Variants in FAM184B observed in about 807,000 individuals in gnomAD.
FAM184B encodes family with sequence similarity 184 member B, also known as protein FAM184B.
In FAM184B, 111 loss-of-function variants were observed where a neutral mutation model predicts 135.9. The observed-to-expected ratio is 0.82, with a 90% confidence interval of 0.70 to 0.96. The LOEUF (loss-of-function observed/expected upper bound fraction) is 0.96. Among genes scored for constraint, FAM184B ranks in the 40% least tolerant of loss-of-function variants. FAM184B has a pLI of 0.00. For missense variants in FAM184B, 1,375 were observed against 1,323.9 expected (o/e 1.04, Z -0.60); for synonymous variants, 552 against 524.8 (o/e 1.05, Z -0.71).
chr4:17,705,464 T>C (rs1018940440), intron 4 of FAM184B, among the ~76,000 whole-genome samples: 5 of 152,360 alleles, frequency 3.3e-5, no homozygotes, highest in African/African-American at 9.6e-5. Context: ...TTTTAAATAA[T>C]GCTTTGCTTG....
In FAM184B at chr4:17,709,060, C is replaced by T; in HGVS notation, c.726G>A (p.Gln242=). 6.4e-7 allele frequency: 1 copy of T among 1,550,438 alleles called. No individual in the cohort carries two copies. Among genetic ancestry groups the T allele is most frequent in the Non-Finnish European group, 8.7e-7 (1 of 1,146,968 alleles). The change falls in exon 2 of 18, where the codon CAG becomes CAA. Residue 242 remains glutamine (Q), a synonymous_variant. Transcript: ENST00000265018. ...IRQAMQQSVS[Q]ALWQWQEKES... ...CCTTCTCCTGCCACTGCCACAGGGC[C>T]TGGCTCACCGACTGCTGCATGGCCT...
rs528186173 is a variant in FAM184B, at chr4:17,631,361, C to G, written c.*1171G>C. 3 of 152,230 alleles carry G rather than the reference C, an allele frequency of 2.0e-5. No homozygotes were observed. The highest frequency in any genetic ancestry group is 4.4e-5 in the Non-Finnish European group (3 of 68,142). 9.4% of individuals were successfully genotyped at this position (152,230 alleles called of 1,614,324 possible). ...TATTTTTTTGTAGAGATGGAGGTCT[C>G]GCTGTGTTGCCCAGGCTGGTCTCAA... On this transcript the variant is annotated 3_prime_UTR_variant, in exon 18 of 18. Coordinates refer to ENST00000265018, the MANE Select transcript of FAM184B (RefSeq NM_015688.2).
intron 5 of FAM184B, among the ~76,000 whole-genome samples, chr4:17,696,202 A>G (rs749453730): frequency 6.6e-6 from 1 of 152,182 alleles, no homozygotes; most frequent in Non-Finnish European, 1.5e-5. Flanking sequence ...AAGAAATGAA[A>G]CTTAAAGAGG....
chr4:17,682,673 A>G (rs1716477431), intron 7 of FAM184B, among the ~76,000 whole-genome samples: 1 of 151,698 alleles, frequency 6.6e-6, no homozygotes, highest in Non-Finnish European at 1.5e-5. Context: ...TAATTTTTGT[A>G]TTTTCAGTAG....
At position 17,708,958 on chromosome 4, in the gene FAM184B, C is replaced by G; in HGVS notation, c.828G>C (p.Leu276=). The G allele has an allele frequency of 6.5e-7, 1 of 1,550,152 alleles. No individual in the cohort carries two copies. Among genetic ancestry groups the G allele is most frequent in the African/African-American group, 1.4e-5 (1 of 73,056 alleles). Residue 276 remains leucine (L), a synonymous_variant, in exon 2 of 18, where the codon CTG becomes CTC. Transcript: ENST00000265018. ...CACTTATCTTGCGGCCTCTGTGCTC[C>G]AGGTCTCCTTCCAGCTTCCGGACCT... ...QAQVRKLEGD[L]EHRGRKISDL... is the part of the protein sequence containing the mutation.
intron 15 of FAM184B, among the ~76,000 whole-genome samples, chr4:17,635,418 C>T (rs1715094012): frequency 6.6e-6 from 1 of 152,062 alleles, no homozygotes; most frequent in Non-Finnish European, 1.5e-5. Context: ...AGAAAGAAAA[C>T]CCCCAGGTAT....
intron 5 of FAM184B, among the ~76,000 whole-genome samples, chr4:17,700,574 A>T (rs1560179861): frequency 6.6e-6 from 1 of 152,244 alleles, no homozygotes; most frequent in Non-Finnish European, 1.5e-5. Context: ...TCTCTCAGTG[A>T]TCAACAGAAC....
intron 15 of FAM184B, among the ~76,000 whole-genome samples, chr4:17,635,489 T>C (rs185182309): frequency 4.9e-4 from 75 of 152,276 alleles, no homozygotes; most frequent in Admixed American, 3.4e-3. Flanking sequence ...GCCTAACATA[T>C]ACAAACATAG....
In FAM184B at chr4:17,702,032, G is replaced by C. The variant is rs143449339; in HGVS notation, c.1377+2968C>G. The stretch of plus-strand genomic sequence containing the variant: ...GCTCAGTCAGTTCTCCAGGCAATGC[G>C]CAGGGCCCAGTGTGGGTGGTGTTGG... On this transcript the variant is annotated intron_variant, in intron 5 of 17. Transcript: ENST00000265018. 9.9e-4 allele frequency among the ~76,000 whole-genome samples: 151 copies of C among 152,276 alleles called. 1 individual carries two copies. The highest frequency in any genetic ancestry group is 3.3e-3 in the African/African-American group (138 of 41,550).
intron 1 of FAM184B, among the ~76,000 whole-genome samples, chr4:17,711,946 A>G (rs1306054968): frequency 6.6e-6 from 1 of 152,184 alleles, no homozygotes; most frequent in African/African-American, 2.4e-5. Flanking sequence ...AGAAAGCATA[A>G]AAGTGTGAGG....
intron 1 of FAM184B, among the ~76,000 whole-genome samples, chr4:17,756,298 G>A (rs1458905852): frequency 2.0e-5 from 3 of 152,080 alleles, no homozygotes; most frequent in Admixed American, 2.0e-4. Context: ...ACGTCAAAAG[G>A]ACTCAGGAGC....
At chr4:17,773,085 C>A (rs1718852935) in intron 1 of FAM184B, among the ~76,000 whole-genome samples, 1 of 152,222 alleles carries the variant, frequency 6.6e-6, no homozygotes, top group Non-Finnish European at 1.5e-5. Flanking sequence ...ACACACACAT[C>A]CAGTGCTGGA....
intron 15 of FAM184B, among the ~76,000 whole-genome samples, chr4:17,635,334 C>G (rs1715092254): frequency 6.6e-6 from 1 of 152,086 alleles, no homozygotes; most frequent in South Asian, 2.1e-4. Flanking sequence ...AAGCTGATGC[C>G]TTAGGAAATT....
Position 17,632,400 on chromosome 4 carries a change from A to C in FAM184B, c.*132T>G, listed in dbSNP as rs1714979288. The stretch of plus-strand genomic sequence containing the variant: ...GAACAGTATGAAGTGTTAACGCCAA[A>C]ATTTGTTTTAGCTATCATATATAAA... On this transcript the variant is annotated 3_prime_UTR_variant, in exon 18 of 18. Coordinates refer to ENST00000265018, the MANE Select transcript of FAM184B (RefSeq NM_015688.2). 2 of 717,496 alleles carry C rather than the reference A, an allele frequency of 2.8e-6. No individual in the cohort carries two copies. Among genetic ancestry groups the C allele is most frequent in the South Asian group, 3.9e-5 (2 of 51,196 alleles). The allele number at this position is 717,496 out of a possible 1,614,324, so 44.4% of individuals were successfully genotyped here.
At chr4:17,764,307 C>T (rs970211672) in intron 1 of FAM184B, among the ~76,000 whole-genome samples, 2 of 152,210 alleles carry the variant, frequency 1.3e-5, no homozygotes, top group Admixed American at 1.3e-4. Flanking sequence ...AAGGTGCTCT[C>T]CTTCACAAAG....
intron 7 of FAM184B, among the ~76,000 whole-genome samples, chr4:17,679,684 G>A (rs1353246624): frequency 1.3e-5 from 2 of 152,094 alleles, no homozygotes; most frequent in African/African-American, 4.8e-5. Context: ...TATCTACCCT[G>A]AGGAAAATAA....
intron 11 of FAM184B, among the ~76,000 whole-genome samples, chr4:17,651,561 A>AG (rs1328300966): frequency 1.3e-4 from 19 of 151,094 alleles, no homozygotes; most frequent in Admixed American, 4.0e-4. Context: ...AAAAAAAAAA[A>AG]AAGAAGAAAA....
intron 2 of FAM184B, 139 bp from the exon 3 acceptor site, chr4:17,707,923 G>T: frequency 1.1e-6 from 1 of 899,966 alleles, no homozygotes; most frequent in Non-Finnish European, 1.6e-6. Flanking sequence ...CAGTGGCCCA[G>T]GGCTCATCAA....
intron 6 of FAM184B, among the ~76,000 whole-genome samples, chr4:17,692,632 G>T (rs1285374521): frequency 6.6e-6 from 1 of 152,188 alleles, no homozygotes; most frequent in Non-Finnish European, 1.5e-5. Context: ...TTCCCTAGAG[G>T]TTGTGATGTA....
Sources: allele counts gnomAD v4.1 joint callset (sites outside exome capture counted in the v4.1 genomes callset), GRCh38; gene constraint gnomAD v4.1.1; transcripts MANE v1.5; gene names NCBI Gene and HGNC (gene_info 2026-07-23, HGNC 2026-07-21).